Variants in ANKRD11 observed in about 807,000 individuals in gnomAD.
ANKRD11 encodes ankyrin repeat domain-containing protein 11.
Under a neutral mutation model 195.7 loss-of-function variants are expected in ANKRD11, and 17 were observed. That is an observed-to-expected ratio of 0.09 (90% CI 0.06 to 0.13). The LOEUF (loss-of-function observed/expected upper bound fraction) is 0.13. ANKRD11 is among the 10% of genes least tolerant of loss of function. The pLI is 1.00. For synonymous variants in ANKRD11, 1,953 were observed against 1,528.1 expected (o/e 1.28, Z -6.49); for missense variants, 3,735 against 3,566.1 (o/e 1.05, Z -1.21).
At chr16:89,435,775 G>A (rs1222266283) in intron 1 of ANKRD11, among the ~76,000 whole-genome samples, 3 of 145,402 alleles carry the variant, frequency 2.1e-5, no homozygotes, top group Admixed American at 1.4e-4. Context: ...ACCAACTGAC[G>A]CACCCACAGC....
At chr16:89,369,153 G>C (rs1432289556) in intron 2 of ANKRD11, among the ~76,000 whole-genome samples, 2 of 152,122 alleles carry the variant, frequency 1.3e-5, no homozygotes, top group African/African-American at 4.8e-5. Context: ...CCAGATCACA[G>C]CATAAGCACC....
chr16:89,488,029 A>T (rs962528027), intron 1 of ANKRD11, among the ~76,000 whole-genome samples: 1 of 152,194 alleles, frequency 6.6e-6, no homozygotes, highest in Non-Finnish European at 1.5e-5. Flanking sequence ...GCAAGTCAGA[A>T]GGCTGACGCA....
At chr16:89,321,507 G>A (rs1015980171) in intron 2 of ANKRD11, among the ~76,000 whole-genome samples, 2 of 151,970 alleles carry the variant, frequency 1.3e-5, no homozygotes, top group Non-Finnish European at 2.9e-5. Flanking sequence ...TGCGGGGCAG[G>A]GGCTGCCCAG....
Position 89,281,917 on chromosome 16 carries a change from T to G in ANKRD11, c.4625A>C (p.Lys1542Thr). The change falls in exon 9 of 13, where the codon AAG becomes ACG. Residue 1542 changes from lysine to threonine, a missense_variant. Lys to Thr is a moderately conservative substitution (Grantham distance 78, BLOSUM62 -1). Transcript: ENST00000301030. The surrounding 1 kb of genome is among the most constrained non-coding windows in gnomAD (Gnocchi z 5.5). Reference protein sequence around the residue: ...EKFKDGAEKEKGDPVKMSNGN... With the variant: ...EKFKDGAEKETGDPVKMSNGN... ...GTTGCTCATCTTCACTGGGTCGCCC[T>G]TTTCTTTCTCTGCACCGTCCTTGAA... The G allele has an allele frequency of 6.2e-7, 1 of 1,613,312 alleles. No individual in the cohort carries two copies. Among genetic ancestry groups the G allele is most frequent in the Non-Finnish European group, 8.5e-7 (1 of 1,180,026 alleles).
At chr16:89,293,573 C>T (rs1326529780) in intron 4 of ANKRD11, among the ~76,000 whole-genome samples, 5 of 107,880 alleles carry the variant, frequency 4.6e-5, no homozygotes, top group Admixed American at 9.9e-5. Flanking sequence ...ATTGGGGCTG[C>T]GGAGGGAGGA....
chr16:89,389,847 G>C (rs1373749463), intron 2 of ANKRD11, among the ~76,000 whole-genome samples: 2 of 145,544 alleles, frequency 1.4e-5, no homozygotes, highest in East Asian at 4.1e-4. Flanking sequence ...GTGTGGCGGG[G>C]AGCACCGAGA....
chr16:89,283,003 T>C lies in ANKRD11; in HGVS notation c.3539A>G (p.Glu1180Gly). Residue 1180 changes from glutamate (E) to glycine (G), a missense_variant, in exon 9 of 13, where the codon GAG becomes GGG. By Grantham distance (98) the Glu-to-Gly change is moderately conservative. Transcript: ENST00000301030. The surrounding 1 kb of genome is among the most constrained non-coding windows in gnomAD (Gnocchi z 4.3). ...KQHPERQKDK[E>G]PRDRRKDRGA... Reference sequence around the variant, plus strand: ...TCGGTCCTTTCTCCTGTCTCTGGGCTCCTTGTCCTTCTGCCTCTCAGGGTG... The same window carrying C: ...TCGGTCCTTTCTCCTGTCTCTGGGCCCCTTGTCCTTCTGCCTCTCAGGGTG... The C allele has an allele frequency of 6.2e-7, 1 of 1,613,856 alleles. No individual in the cohort carries two copies. Among genetic ancestry groups the C allele is most frequent in the Non-Finnish European group, 8.5e-7 (1 of 1,180,038 alleles).
At chr16:89,448,751 G>A (rs894232217) in intron 1 of ANKRD11, among the ~76,000 whole-genome samples, 9 of 152,086 alleles carry the variant, frequency 5.9e-5, no homozygotes, top group African/African-American at 1.2e-4. Context: ...AGTCCAAGAC[G>A]AGACGGTGCT....
chr16:89,374,337 T>TA (rs749237535), intron 2 of ANKRD11, among the ~76,000 whole-genome samples: 13,597 of 148,866 alleles, frequency 0.091, 691 homozygotes, highest in Middle Eastern at 0.21. Context: ...TGTGTTTTTG[T>TA]AAAAAAAATA....
intron 2 of ANKRD11, among the ~76,000 whole-genome samples, chr16:89,406,916 C>G (rs897628217): frequency 6.6e-6 from 1 of 152,186 alleles, no homozygotes; most frequent in African/African-American, 2.4e-5. Flanking sequence ...TGGTGGCTCA[C>G]GCCCATAATC....
intron 1 of ANKRD11, among the ~76,000 whole-genome samples, chr16:89,482,392 G>A (rs2057472465): frequency 6.6e-6 from 1 of 152,124 alleles, no homozygotes; most frequent in Non-Finnish European, 1.5e-5. Flanking sequence ...ACAGGGAAAC[G>A]CTGAGAAATG....
Position 89,274,977 on chromosome 16 carries a change from G to C in ANKRD11, c.7570-20C>G, listed in dbSNP as rs2151702212. 2 of 1,612,924 alleles carry C rather than the reference G, an allele frequency of 1.2e-6. No individual in the cohort carries two copies. The highest frequency in any genetic ancestry group is 1.7e-6 in the Non-Finnish European group (2 of 1,179,974). On this transcript the variant is annotated intron_variant, in intron 10 of 12. Coordinates refer to ENST00000301030, the MANE Select transcript of ANKRD11 (RefSeq NM_013275.6). ...CTTCTCCTGAAGGAGGAGAGGAGTA[G>C]AGTGAGCTGGGACACAGCCACGCTC...
intron 2 of ANKRD11, among the ~76,000 whole-genome samples, chr16:89,367,465 C>T (rs999162122): frequency 3.3e-5 from 5 of 152,172 alleles, no homozygotes; most frequent in Non-Finnish European, 7.3e-5. Flanking sequence ...CTCAGGGGAG[C>T]GACGCTCTCA....
chr16:89,302,668 A>G (rs1291048723), intron 4 of ANKRD11, among the ~76,000 whole-genome samples: 1 of 152,230 alleles, frequency 6.6e-6, no homozygotes, highest in Non-Finnish European at 1.5e-5. Context: ...AACATTAAAC[A>G]AGAAGTTATT....
chr16:89,403,919 T>C (rs2041805506), intron 2 of ANKRD11, among the ~76,000 whole-genome samples: 2 of 152,028 alleles, frequency 1.3e-5, no homozygotes, highest in South Asian at 2.1e-4. Flanking sequence ...GCAAGACTTG[T>C]CTCTTAAAAA....
chr16:89,308,994 G>A (rs938512029), intron 3 of ANKRD11, among the ~76,000 whole-genome samples: 10 of 152,160 alleles, frequency 6.6e-5, no homozygotes, highest in Admixed American at 2.6e-4. Flanking sequence ...CCCTCCTCTG[G>A]AATAAGACTG....
At chr16:89,328,496 C>T (rs939489276) in intron 2 of ANKRD11, among the ~76,000 whole-genome samples, 1 of 152,238 alleles carries the variant, frequency 6.6e-6, no homozygotes, top group Non-Finnish European at 1.5e-5. Context: ...TCACGGCATC[C>T]CCTCAGCAGT....
chr16:89,372,024 G>T (rs1162339244), intron 2 of ANKRD11, among the ~76,000 whole-genome samples: 1 of 152,226 alleles, frequency 6.6e-6, no homozygotes, highest in East Asian at 1.9e-4. Flanking sequence ...AGAACATGGT[G>T]AAGCCAGGAC....
chr16:89,377,455 A>C (rs993237654), intron 2 of ANKRD11, among the ~76,000 whole-genome samples: 3 of 149,046 alleles, frequency 2.0e-5, no homozygotes, highest in African/African-American at 7.5e-5. Context: ...GATCATGAAG[A>C]GACTGCGGAC....
Sources: allele counts gnomAD v4.1 joint callset (sites outside exome capture counted in the v4.1 genomes callset), GRCh38; gene constraint gnomAD v4.1.1; non-coding constraint Gnocchi (gnomAD v3.1); transcripts MANE v1.5; gene names NCBI Gene and HGNC (gene_info 2026-07-23, HGNC 2026-07-21).